The following MYO16 variants were observed in gnomAD, a reference collection of about 807,000 sequenced individuals.
MYO16 encodes the protein myosin XVI.
A neutral mutation model predicts 205.3 loss-of-function variants in MYO16; 94 were observed. The ratio of observed to expected loss-of-function variants is 0.46; its 90% confidence interval spans 0.39 to 0.54. MYO16 has a LOEUF of 0.54. Ranked by LOEUF, MYO16 falls within the 20% of genes least tolerant of loss-of-function variation. The pLI is 0.00. For synonymous variants in MYO16, 988 were observed against 954.0 expected (o/e 1.04, Z -0.66); for missense variants, 2,315 against 2,387.5 (o/e 0.97, Z 0.63).
the MYO16 span, among the ~76,000 whole-genome samples, chr13:108,541,343 A>G: frequency 6.6e-6 from 1 of 151,172 alleles, no homozygotes; most frequent in Non-Finnish European, 1.5e-5. Flanking sequence ...TCATAGATAT[A>G]TGTATAATTA....
the MYO16 span, among the ~76,000 whole-genome samples, chr13:108,576,907 T>A: frequency 6.6e-6 from 1 of 152,066 alleles, no homozygotes; most frequent in Non-Finnish European, 1.5e-5. Flanking sequence ...ACTACAGGCA[T>A]ACGCCACCAC....
At chr13:108,695,525 T>C (rs575949624) in intron 2 of MYO16, among the ~76,000 whole-genome samples, 1 of 151,800 alleles carries the variant, frequency 6.6e-6, no homozygotes, top group Non-Finnish European at 1.5e-5. Flanking sequence ...CAATCTCATA[T>C]GAATTTTAGG....
intron 10 of MYO16, among the ~76,000 whole-genome samples, chr13:108,846,341 A>C (rs1240352701): frequency 1.3e-5 from 2 of 152,192 alleles, no homozygotes; most frequent in East Asian, 3.8e-4. Context: ...AAACTCAAGA[A>C]TGAGTTCTGT....
rs1879694705 is a variant in MYO16, at chr13:108,883,061, G to T, written c.1428G>T (p.Val476=). 6.2e-7 allele frequency: 1 copy of T among 1,613,742 alleles called. No individual in the cohort carries two copies. Among genetic ancestry groups the T allele is most frequent in the African/African-American group, 1.3e-5 (1 of 74,914 alleles). ...CTTGCTGCTGCCCTGTTTTCCAGGT[G>T]TCCCAGCTGTATTTCAGCTCCTCAG... ...YKELPIYSSM[V]SQLYFSSSGK... is the part of the protein sequence containing the mutation. The change falls in exon 13 of 35, where the codon GTG becomes GTT. Residue 476 remains valine (V), a splice_region_variant and synonymous_variant. Transcript: ENST00000457511.
intron 2 of MYO16, among the ~76,000 whole-genome samples, chr13:108,666,684 C>T (rs1222065282): frequency 6.6e-6 from 1 of 152,122 alleles, no homozygotes; most frequent in East Asian, 1.9e-4. Flanking sequence ...GCAGTAATGT[C>T]ACTTTCCCCG....
chr13:109,110,839 T>C (rs957880240), intron 28 of MYO16, among the ~76,000 whole-genome samples: 5 of 152,322 alleles, frequency 3.3e-5, no homozygotes, highest in Middle Eastern at 6.8e-3. Context: ...TTTAGTTCAA[T>C]GGTTTCTTTA....
intron 16 of MYO16, among the ~76,000 whole-genome samples, chr13:108,915,325 G>A (rs1881448040): frequency 6.6e-6 from 1 of 152,126 alleles, no homozygotes; most frequent in Non-Finnish European, 1.5e-5. Context: ...CCACAAGATG[G>A]CGAGCTCTCC....
intron 23 of MYO16, among the ~76,000 whole-genome samples, chr13:109,028,834 A>G (rs760390632): frequency 1.3e-5 from 2 of 151,736 alleles, no homozygotes; most frequent in Non-Finnish European, 2.9e-5. Context: ...GAATCACATC[A>G]CTAAAACGTT....
chr13:108,616,860 A>T (rs1879367894), intron 1 of MYO16, among the ~76,000 whole-genome samples: 1 of 152,184 alleles, frequency 6.6e-6, no homozygotes, highest in South Asian at 2.1e-4. Context: ...AGTATTGTGT[A>T]CATTGTCCAC....
chr13:109,079,833 C>CT (rs1277305874), intron 27 of MYO16, among the ~76,000 whole-genome samples: 3 of 151,400 alleles, frequency 2.0e-5, no homozygotes, highest in Non-Finnish European at 4.4e-5. Flanking sequence ...TTATGGAGAA[C>CT]TTTCTGCAAT....
intron 27 of MYO16, among the ~76,000 whole-genome samples, chr13:109,092,810 G>A (rs1040253252): frequency 2.6e-5 from 4 of 152,206 alleles, no homozygotes; most frequent in African/African-American, 9.6e-5. Flanking sequence ...TACATAGGAT[G>A]TCAAAGTTCT....
At chr13:108,618,065 A>G (rs533087601) in intron 1 of MYO16, among the ~76,000 whole-genome samples, 1 of 152,194 alleles carries the variant, frequency 6.6e-6, no homozygotes, top group South Asian at 2.1e-4. Flanking sequence ...CTTCACTACC[A>G]TGACTCAATT....
intron 32 of MYO16, among the ~76,000 whole-genome samples, chr13:109,150,394 G>T (rs960062524): frequency 6.6e-6 from 1 of 152,042 alleles, no homozygotes; most frequent in African/African-American, 2.4e-5. Context: ...GTTCCCGCTA[G>T]GTCATGCCAC....
chr13:108,740,923 C>T (rs1172015502), intron 4 of MYO16, among the ~76,000 whole-genome samples: 1 of 152,156 alleles, frequency 6.6e-6, no homozygotes, highest in South Asian at 2.1e-4. Context: ...GGGCGTGGGA[C>T]CCTCTGAGCC....
intron 17 of MYO16, among the ~76,000 whole-genome samples, chr13:108,959,635 G>A (rs1438015549): frequency 6.6e-6 from 1 of 152,180 alleles, no homozygotes; most frequent in Non-Finnish European, 1.5e-5. Flanking sequence ...AGATTCAAAG[G>A]AAGGTATTTC....
chr13:108,629,469 CAGGCAGGACCGGGAG>C (rs1879874301), upstream of MYO16: 1 of 187,588 alleles, frequency 5.3e-6, no homozygotes, highest in Admixed American at 6.0e-5. Context: ...AAGCCATTAA[CAGGCAGGACCGGGAG>C]AGCCGCACTG....
chr13:108,897,890 A>G, intron 14 of MYO16, 126 bp from the exon 15 acceptor site: 1 of 754,534 alleles, frequency 1.3e-6, no homozygotes, highest in Non-Finnish European at 2.2e-6. Context: ...AATTCAATAT[A>G]GCATTCTATG....
rs1303169034 is a variant in MYO16, at chr13:108,849,427, G to A, written c.1248+4934G>A. Among the ~76,000 whole-genome samples, 4 of 152,048 alleles carry A rather than the reference G, an allele frequency of 2.6e-5. No homozygotes were observed. The East Asian group carries it at 5.8e-4, about 22-fold the overall frequency. On this transcript the variant is annotated intron_variant, in intron 10 of 34. Coordinates refer to ENST00000457511, the MANE Select transcript of MYO16 (RefSeq NM_001198950.3). ...GCTGGTCTAGAACTCCTGACCTCAG[G>A]TGATCTGCCTGCCTCTGCCTCCCAA...
chr13:108,854,547 A>G lies in MYO16; in HGVS notation c.1249-896A>G, dbSNP rs555540266. ...TATATAATACAGATACAAATACAAA[A>G]TGCAAATATAGACTACAAACATGAA... is the stretch of plus-strand genomic sequence containing the variant. On this transcript the variant is annotated intron_variant, in intron 10 of 34. Transcript: ENST00000457511. 9.8e-5 allele frequency among the ~76,000 whole-genome samples: 15 copies of G among 152,304 alleles called. No homozygotes were observed. In the East Asian group the frequency reaches 2.7e-3, roughly 27 times the overall value.
Sources: allele counts gnomAD v4.1 joint callset (sites outside exome capture counted in the v4.1 genomes callset), GRCh38; gene constraint gnomAD v4.1.1; transcripts MANE v1.5; gene names NCBI Gene and HGNC (gene_info 2026-07-23, HGNC 2026-07-21).